The following ZFYVE27 variants were observed in gnomAD, a reference collection of about 807,000 sequenced individuals.
The protein encoded by ZFYVE27 is protrudin.
ZFYVE27 carries 36 observed loss-of-function variants against 52.8 expected under a neutral mutation model. That is an observed-to-expected ratio of 0.68 (90% CI 0.52 to 0.90). The LOEUF (loss-of-function observed/expected upper bound fraction) is 0.90. ZFYVE27 is among the 40% of genes least tolerant of loss of function. The pLI is 0.00. For missense variants in ZFYVE27, 450 were observed against 527.2 expected (o/e 0.85, Z 1.43); for synonymous variants, 223 against 215.6 (o/e 1.03, Z -0.30).
chr10:97,747,885 C>G lies in ZFYVE27; in HGVS notation c.456-384C>G, dbSNP rs140600298. Among the ~76,000 whole-genome samples the G allele has an allele frequency of 4.8e-3, 738 of 152,234 alleles. 5 individuals carry two copies. Among genetic ancestry groups the G allele is most frequent in the Admixed American group, 9.4e-3 (144 of 15,298 alleles). On this transcript the variant is annotated intron_variant, in intron 4 of 12. Coordinates refer to ENST00000684270, the MANE Select transcript of ZFYVE27 (RefSeq NM_001385875.1). ...CCCCAAGTGAGTCTGTTTCACATCCCAGGTAGAGAATATCATGCCATTTAT... is the reference window on the plus strand; with the variant it reads ...CCCCAAGTGAGTCTGTTTCACATCCGAGGTAGAGAATATCATGCCATTTAT...
At chr10:97,746,808 G>A (rs1281622891) in intron 4 of ZFYVE27, among the ~76,000 whole-genome samples, 1 of 151,816 alleles carries the variant, frequency 6.6e-6, no homozygotes, top group Non-Finnish European at 1.5e-5. Flanking sequence ...TTCTGCCTCA[G>A]CCTCCTGAGT....
rs748104339 is a variant in ZFYVE27 at position 97,743,129 on chromosome 10, T to G, written c.233T>G (p.Leu78Arg). The change falls in exon 3 of 13, where the codon CTG becomes CGG. Residue 78 changes from leucine to arginine, a missense_variant. Physicochemically the swap from Leu to Arg is moderately radical, Grantham distance 102. Transcript: ENST00000684270. Reference sequence around the variant, plus strand: ...CCTTTGTGTTCCTTGCTGACCTGCCTGGGCCTCAACGTCTTGTTCCTCACT... The same window carrying G: ...CCTTTGTGTTCCTTGCTGACCTGCCGGGGCCTCAACGTCTTGTTCCTCACT... ...QMPLCSLLTC[L>R]GLNVLFLTLN... is the part of the protein sequence containing the mutation. The G allele has an allele frequency of 5.6e-6, 9 of 1,614,110 alleles. No homozygotes were observed. The highest frequency in any genetic ancestry group is 7.6e-6 in the Non-Finnish European group (9 of 1,180,040).
At chr10:97,747,701 A>C (rs2045840654) in intron 4 of ZFYVE27, among the ~76,000 whole-genome samples, 2 of 152,144 alleles carry the variant, frequency 1.3e-5, no homozygotes, top group South Asian at 4.1e-4. Flanking sequence ...TTTATGGTAC[A>C]ACAGGATGGT....
intron 3 of ZFYVE27, among the ~76,000 whole-genome samples, chr10:97,744,030 AAAAT>A (rs1282467053): frequency 1.3e-5 from 2 of 152,220 alleles, no homozygotes; most frequent in Non-Finnish European, 2.9e-5. Flanking sequence ...GAGTAGGTTG[AAAAT>A]AAATCCAGTT....
At position 97,749,675 on chromosome 10, in the gene ZFYVE27, C is replaced by T. The variant is rs2046403870; in HGVS notation, c.664+89C>T. The T allele has an allele frequency of 4.7e-6, 5 of 1,068,700 alleles. No individual in the cohort carries two copies. In the South Asian group the frequency reaches 5.0e-5, roughly 11 times the overall value. 66.2% of individuals were successfully genotyped at this position (1,068,700 alleles called of 1,614,324 possible). On this transcript the variant is annotated intron_variant, in intron 6 of 12. Transcript: ENST00000684270. ...CAGTTCTTCTGTCTCTACAGCTAAT[C>T]ATCAGTTTGCTGTGCTTCCACAAGT...
chr10:97,753,052 C>T lies in ZFYVE27; in HGVS notation c.912C>T (p.Gly304=), dbSNP rs765173648. Residue 304 remains glycine, a synonymous_variant, in exon 10 of 13, where the codon GGC becomes GGT. Transcript: ENST00000684270. ...THLVVLEDDE[G]APCPAEDELA... The stretch of plus-strand genomic sequence containing the variant: ...TGTTCCCACAGGAGGATGATGAGGG[C>T]GCCCCGTGCCCAGCAGAGGATGAGC... 9.9e-6 allele frequency: 16 copies of T among 1,611,766 alleles called. No individual in the cohort carries two copies. Among genetic ancestry groups the T allele is most frequent in the Admixed American group, 3.4e-5 (2 of 59,632 alleles).
chr10:97,754,585 G>A, intron 10 of ZFYVE27: 2 of 1,229,396 alleles, frequency 1.6e-6, no homozygotes, highest in South Asian at 2.8e-5. Flanking sequence ...AAAGTGTTAG[G>A]ATTACAAGTG....
chr10:97,753,271 G>C, intron 10 of ZFYVE27, 89 bp downstream of exon 10: 2 of 1,517,898 alleles, frequency 1.3e-6, no homozygotes, highest in Non-Finnish European at 1.8e-6. Context: ...CAGGGGCAGA[G>C]TCTCAGAACT....
chr10:97,742,745 A>G (rs2044078042), intron 2 of ZFYVE27, among the ~76,000 whole-genome samples: 1 of 152,246 alleles, frequency 6.6e-6, no homozygotes, highest in Admixed American at 6.5e-5. Context: ...GAATAGAGGA[A>G]AATATTAAGA....
intron 8 of ZFYVE27, among the ~76,000 whole-genome samples, chr10:97,752,544 G>A (rs1278621897): frequency 6.6e-6 from 1 of 152,146 alleles, no homozygotes; most frequent in Admixed American, 6.5e-5. Context: ...TAAAACTTAA[G>A]TGAAACAAAA....
rs373470383 is a variant in ZFYVE27, at chr10:97,750,458, C to T, written c.792C>T (p.Leu264=). 61 of 1,613,998 alleles carry T rather than the reference C, an allele frequency of 3.8e-5. No homozygotes were observed. The highest frequency in any genetic ancestry group is 4.7e-5 in the Non-Finnish European group (56 of 1,180,046). ...KDGLMDSTPA[L]TPTEDLTPGS... Reference sequence around the variant, plus strand: ...GTCTGATGGACAGCACGCCTGCCCTCACACCCACGGAGGTAAGTGCCACTG... The same window carrying T: ...GTCTGATGGACAGCACGCCTGCCCTTACACCCACGGAGGTAAGTGCCACTG... Residue 264 remains leucine, a synonymous_variant, in exon 7 of 13, where the codon CTC becomes CTT. Coordinates refer to ENST00000684270, the MANE Select transcript of ZFYVE27 (RefSeq NM_001385875.1).
At chr10:97,754,762 G>A in intron 10 of ZFYVE27, 2 of 1,289,394 alleles carry the variant, frequency 1.6e-6, no homozygotes, top group Non-Finnish European at 2.0e-6. Flanking sequence ...AGGGTTCAGA[G>A]CAGCCAGATT....
intron 12 of ZFYVE27, 91 bp from the exon 13 acceptor site, chr10:97,759,145 T>A (rs2049141504): frequency 3.5e-6 from 5 of 1,420,892 alleles, no homozygotes; most frequent in Non-Finnish European, 5.0e-6. Flanking sequence ...GGGGGGTCTG[T>A]GTGGGGCATT....
intron 6 of ZFYVE27, 112 bp from the exon 7 acceptor site, chr10:97,750,215 CTCTT>C (rs1227063074): frequency 7.3e-7 from 1 of 1,361,420 alleles, no homozygotes; most frequent in Non-Finnish European, 1.0e-6. Context: ...AGGAGGGTGA[CTCTT>C]TCCTGTAGTG....
chr10:97,752,193 A>G (rs907141464), intron 8 of ZFYVE27, among the ~76,000 whole-genome samples: 8 of 152,110 alleles, frequency 5.3e-5, no homozygotes, highest in Non-Finnish European at 2.9e-5. Context: ...CATTTGTCAC[A>G]TTTGCGTTTT....
intron 4 of ZFYVE27, 45 bp from the exon 5 acceptor site, chr10:97,748,224 C>G: frequency 1.9e-6 from 3 of 1,589,816 alleles, no homozygotes; most frequent in Non-Finnish European, 2.6e-6. Context: ...CTCCACTTCC[C>G]AGGGCTTCTG....
chr10:97,744,587 G>C, intron 3 of ZFYVE27, 142 bp from the exon 4 acceptor site: 1 of 926,014 alleles, frequency 1.1e-6, no homozygotes, highest in Non-Finnish European at 1.7e-6. Context: ...GTAGGGGTGA[G>C]ACACTGTGTC....
rs1272893296 is a variant in ZFYVE27 at position 97,752,984 on chromosome 10, G to A, written c.898-54G>A. ...TGCCGCGCAGGATGCCTCTGCACAC[G>A]GGTCCTGCAGCCTTGCAAGAGGTGG... On this transcript the variant is annotated intron_variant, in intron 9 of 12. Transcript: ENST00000684270. The A allele has an allele frequency of 9.9e-6, 16 of 1,612,804 alleles. No individual in the cohort carries two copies. The East Asian group carries it at 2.7e-4, about 27-fold the overall frequency.
intron 12 of ZFYVE27, among the ~76,000 whole-genome samples, chr10:97,758,448 C>T (rs7081361): frequency 0.62 from 94,501 of 151,574 alleles, 31,535 homozygotes; most frequent in Non-Finnish European, 0.75. Flanking sequence ...CTCAGCCTCC[C>T]GAGTAGCTGG....
Sources: gnomAD v4.1 joint callset for allele counts (sites outside exome capture counted in the v4.1 genomes callset) on GRCh38, gnomAD v4.1.1 for gene constraint, MANE v1.5 for transcripts, NCBI Gene and HGNC (gene_info 2026-07-23, HGNC 2026-07-21) for gene names.